CCSER1: variants seen among roughly 807,000 people sequenced by gnomAD.
CCSER1 encodes the protein coiled-coil serine rich protein 1.
A neutral mutation model predicts 82.0 loss-of-function variants in CCSER1; 41 were observed. That is an observed-to-expected ratio of 0.50 (90% CI 0.39 to 0.65). The LOEUF is 0.65. Ranked by LOEUF, CCSER1 falls within the 30% of genes least tolerant of loss-of-function variation. The pLI is 0.00. For synonymous variants in CCSER1, 414 were observed against 383.9 expected (o/e 1.08, Z -0.92); for missense variants, 1,119 against 1,064.2 (o/e 1.05, Z -0.72).
intron 4 of CCSER1, among the ~76,000 whole-genome samples, chr4:90,459,624 T>G (rs2153582698): frequency 6.6e-6 from 1 of 152,276 alleles, no homozygotes; most frequent in Non-Finnish European, 1.5e-5. Flanking sequence ...CTTCGATGTT[T>G]TTTCCACTAT....
chr4:91,259,089 A>G (rs1740909966), intron 10 of CCSER1, among the ~76,000 whole-genome samples: 1 of 152,180 alleles, frequency 6.6e-6, no homozygotes, highest in South Asian at 2.1e-4. Context: ...AAACTTTTAA[A>G]TAAATACAAA....
intron 5 of CCSER1, among the ~76,000 whole-genome samples, chr4:90,617,800 C>T (rs1026405023): frequency 6.6e-6 from 1 of 152,104 alleles, no homozygotes; most frequent in African/African-American, 2.4e-5. Flanking sequence ...GTTATCCCTT[C>T]TGAGGTCTAG....
chr4:90,703,286 A>G (rs1738548779), intron 6 of CCSER1, among the ~76,000 whole-genome samples: 1 of 152,190 alleles, frequency 6.6e-6, no homozygotes, highest in African/African-American at 2.4e-5. Context: ...AGAAGTTTTG[A>G]GTGACTTTCT....
chr4:90,219,037 C>T (rs915194003), intron 1 of CCSER1, among the ~76,000 whole-genome samples: 1 of 152,014 alleles, frequency 6.6e-6, no homozygotes, highest in African/African-American at 2.4e-5. Flanking sequence ...AGGATTTATG[C>T]AAAGGAGTGA....
At chr4:90,227,208 A>G (rs921563620) in intron 1 of CCSER1, among the ~76,000 whole-genome samples, 2 of 152,206 alleles carry the variant, frequency 1.3e-5, no homozygotes, top group Admixed American at 6.5e-5. Context: ...TGGCAAATCT[A>G]TCAGATTAAT....
At chr4:90,496,613 A>G (rs1301303492) in intron 5 of CCSER1, among the ~76,000 whole-genome samples, 1 of 152,206 alleles carries the variant, frequency 6.6e-6, no homozygotes, top group East Asian at 1.9e-4. Context: ...TCTCAGTTTA[A>G]TCAACTATGA....
chr4:90,830,308 G>A (rs1370015393), intron 8 of CCSER1, among the ~76,000 whole-genome samples: 2 of 152,052 alleles, frequency 1.3e-5, no homozygotes, highest in African/African-American at 4.8e-5. Flanking sequence ...GGAAACCAAG[G>A]CTCAAAGATG....
chr4:90,952,310 G>T (rs1732998253), intron 9 of CCSER1, among the ~76,000 whole-genome samples: 1 of 151,772 alleles, frequency 6.6e-6, no homozygotes, highest in African/African-American at 2.4e-5. Context: ...AGGCATTTTT[G>T]CCCCCCAGTG....
intron 7 of CCSER1, among the ~76,000 whole-genome samples, chr4:90,774,202 A>G (rs1752603829): frequency 6.6e-6 from 1 of 152,124 alleles, no homozygotes; most frequent in Admixed American, 6.5e-5. Context: ...CATTAAAAAT[A>G]TTTTTGTGTT....
intron 10 of CCSER1, among the ~76,000 whole-genome samples, chr4:91,231,051 G>T (rs965507259): frequency 1.3e-5 from 2 of 151,636 alleles, no homozygotes; most frequent in Admixed American, 1.3e-4. Flanking sequence ...AAAAATTCTG[G>T]CAATATCTTA....
intron 5 of CCSER1, among the ~76,000 whole-genome samples, chr4:90,604,758 A>G (rs1184216921): frequency 6.6e-6 from 1 of 152,028 alleles, no homozygotes; most frequent in Non-Finnish European, 1.5e-5. Flanking sequence ...TAGCTCATCT[A>G]GTGGGGACTT....
intron 7 of CCSER1, among the ~76,000 whole-genome samples, chr4:90,729,441 C>T (rs2149396217): frequency 6.6e-6 from 1 of 152,072 alleles, no homozygotes; most frequent in African/African-American, 2.4e-5. Context: ...TATCAGATTC[C>T]TCTTATGAAA....
chr4:91,134,435 A>C lies in CCSER1; in HGVS notation c.2217+48441A>C, dbSNP rs1728279967. Among the ~76,000 whole-genome samples the C allele has an allele frequency of 3.0e-4, 42 of 141,546 alleles. 1 individual carries two copies. In the South Asian group the frequency reaches 8.5e-3, roughly 29 times the overall value. The allele number at this position is 141,546 out of a possible 152,430, so 92.9% of individuals were successfully genotyped here. A position where few individuals can be genotyped will look rare whatever the true frequency, so the allele number is the denominator to read the frequency against. On this transcript the variant is annotated intron_variant, in intron 10 of 10. Coordinates refer to ENST00000509176, the MANE Select transcript of CCSER1 (RefSeq NM_001145065.2). ...GACCCTGTCTACAAAAAAAAAACAA[A>C]AACAAACAAAAAAACAAAATAATCT...
At chr4:90,356,056 G>A (rs575259015) in intron 3 of CCSER1, among the ~76,000 whole-genome samples, 13 of 151,908 alleles carry the variant, frequency 8.6e-5, no homozygotes, top group Admixed American at 5.9e-4. Context: ...ACTTGACATC[G>A]TGTATCTTTA....
intron 10 of CCSER1, among the ~76,000 whole-genome samples, chr4:91,532,174 A>C (rs909546604): frequency 2.6e-5 from 4 of 152,212 alleles, no homozygotes; most frequent in African/African-American, 9.6e-5. Flanking sequence ...TGAAGATATC[A>C]CTGGTCTTCA....
chr4:90,635,262 T>C (rs544427145), intron 6 of CCSER1, among the ~76,000 whole-genome samples: 1 of 151,780 alleles, frequency 6.6e-6, no homozygotes, highest in Non-Finnish European at 1.5e-5. Context: ...AATAATTATA[T>C]ATTATTTTCA....
At chr4:91,583,964 A>G (rs1441288421) in intron 10 of CCSER1, among the ~76,000 whole-genome samples, 1 of 151,502 alleles carries the variant, frequency 6.6e-6, no homozygotes, top group Non-Finnish European at 1.5e-5. Flanking sequence ...AATGCTGTAC[A>G]GCTTTGTTTG....
intron 6 of CCSER1, among the ~76,000 whole-genome samples, chr4:90,665,000 G>A (rs904422892): frequency 7.2e-5 from 11 of 152,172 alleles, no homozygotes; most frequent in Admixed American, 6.5e-4. Flanking sequence ...AGATGTTTGC[G>A]AAGATTACTA....
intron 1 of CCSER1, among the ~76,000 whole-genome samples, chr4:90,302,600 A>G (rs1733368503): frequency 6.6e-6 from 1 of 152,122 alleles, no homozygotes; most frequent in Admixed American, 6.6e-5. Context: ...CAGGAGTTTG[A>G]GATCAGCCTG....
Sources: allele counts gnomAD v4.1 joint callset (sites outside exome capture counted in the v4.1 genomes callset), GRCh38; gene constraint gnomAD v4.1.1; transcripts MANE v1.5; gene names NCBI Gene and HGNC (gene_info 2026-07-23, HGNC 2026-07-21).